PARP6: variants seen among roughly 807,000 people sequenced by gnomAD.
PARP6 encodes protein mono-ADP-ribosyltransferase PARP6.
A neutral mutation model predicts 92.0 loss-of-function variants in PARP6; 27 were observed. The observed-to-expected ratio is 0.29, with a 90% CI of 0.22 to 0.40. The LOEUF (loss-of-function observed/expected upper bound fraction) is 0.40. PARP6 is among the 10% of genes least tolerant of loss of function. PARP6 has a pLI of 1.00. For synonymous variants in PARP6, 272 were observed against 281.2 expected (o/e 0.97, Z 0.33); for missense variants, 501 against 784.5 (o/e 0.64, Z 4.32).
At chr15:72,256,611 A>G (rs749942819) in intron 13 of PARP6, 21 bp from the exon 14 acceptor site, 16 of 1,508,398 alleles carry the variant, frequency 1.1e-5, no homozygotes, top group Non-Finnish European at 1.1e-5. Flanking sequence ...AGGAAAAAAA[A>G]CAGGGCAGAA....
At position 72,256,525 on chromosome 15, in the gene PARP6, A is replaced by G. The variant is rs1239984487; in HGVS notation, c.1065T>C (p.Phe355=). ...ALESPRKSII[F]EPYPSVVDPT... is the part of the protein sequence containing the mutation. Reference sequence around the variant, plus strand: ...GGTCCACCACAGAGGGATAAGGCTCAAAGATGATGCTCTTTCTAGGGGACT... The same window carrying G: ...GGTCCACCACAGAGGGATAAGGCTCGAAGATGATGCTCTTTCTAGGGGACT... Residue 355 remains phenylalanine, a synonymous_variant, in exon 14 of 24, where the codon TTT becomes TTC. Transcript: ENST00000569795. 7 of 1,599,092 alleles carry G rather than the reference A, an allele frequency of 4.4e-6. No individual in the cohort carries two copies. Among genetic ancestry groups the G allele is most frequent in the African/African-American group, 2.7e-5 (2 of 73,740 alleles).
At chr15:72,246,772 T>TG (rs397792801) in intron 20 of PARP6, among the ~76,000 whole-genome samples, 1 of 151,674 alleles carries the variant, frequency 6.6e-6, no homozygotes, top group Admixed American at 6.6e-5. Context: ...TTTTTTTTTT[T>TG]GAGATGGAGT....
At chr15:72,256,763 TA>T (rs1050683983) in intron 13 of PARP6, among the ~76,000 whole-genome samples, 173 bp from the exon 14 acceptor site, 1 of 152,224 alleles carries the variant, frequency 6.6e-6, no homozygotes, top group African/African-American at 2.4e-5. Flanking sequence ...TAATTAAAGA[TA>T]AAAAACCATC....
At chr15:72,260,716 T>C (rs751201479) in intron 9 of PARP6, 28 bp from the exon 10 acceptor site, 5 of 1,548,886 alleles carry the variant, frequency 3.2e-6, no homozygotes, top group Non-Finnish European at 4.5e-6. Flanking sequence ...AGAGAAGTGA[T>C]AAAACTGGGG....
chr15:72,251,751 T>C (rs2084386383), intron 16 of PARP6, among the ~76,000 whole-genome samples: 1 of 152,148 alleles, frequency 6.6e-6, no homozygotes, highest in South Asian at 2.1e-4. Flanking sequence ...AGAAAGTTAC[T>C]GTCTAGGCTG....
At chr15:72,256,239 G>C (rs1356522934) in intron 14 of PARP6, among the ~76,000 whole-genome samples, 1 of 152,176 alleles carries the variant, frequency 6.6e-6, no homozygotes, top group Admixed American at 6.5e-5. Context: ...ATCCAGGTCT[G>C]TCTGGCTCCA....
chr15:72,257,342 C>T lies in PARP6; in HGVS notation c.999+6G>A. On this transcript the variant is annotated splice_donor_region_variant and intron_variant, in intron 13 of 23. Transcript: ENST00000569795. Reference sequence around the variant, plus strand: ...AATTCCCCAGCCACGTTTCCCTCCCCCATACCTCTGCTCCAGTGGCCACCT... The same window carrying T: ...AATTCCCCAGCCACGTTTCCCTCCCTCATACCTCTGCTCCAGTGGCCACCT... The T allele has an allele frequency of 3.1e-6, 5 of 1,607,070 alleles. No homozygotes were observed. The highest frequency in any genetic ancestry group is 1.7e-4 in the Middle Eastern group (1 of 6,050).
rs539087225 is a variant in PARP6, at chr15:72,266,906, G to C, written c.4-84C>G. ...GCGTGGGATGATATGGTGAGGAACA[G>C]ATTCCCACAAAGATTGGGAAATATA... On this transcript the variant is annotated intron_variant, in intron 3 of 23. Coordinates refer to ENST00000569795, the MANE Select transcript of PARP6 (RefSeq NM_001323532.2). 39 of 947,028 alleles carry C rather than the reference G, an allele frequency of 4.1e-5. 2 individuals carry two copies. In the South Asian group the frequency reaches 4.2e-4, roughly 10 times the overall value. 58.7% of individuals were successfully genotyped at this position (947,028 alleles called of 1,614,324 possible). A position where few individuals can be genotyped will look rare whatever the true frequency, so the allele number is the denominator to read the frequency against.
In PARP6 at chr15:72,242,009, CAT is replaced by C. The variant is rs1844837345; in HGVS notation, c.1706-26_1706-25del. 6.4e-7 allele frequency: 1 copy of C among 1,569,150 alleles called. No homozygotes were observed. Among genetic ancestry groups the C allele is most frequent in the African/African-American group, 1.4e-5 (1 of 73,972 alleles). Reference sequence around the variant, plus strand: ...CACTGGGAGAAAGAGGGCCAGAAATCATAGATACAATGCTTAAGGCACAGAGT... The same window carrying C: ...CACTGGGAGAAAGAGGGCCAGAAATCAGATACAATGCTTAAGGCACAGAGT... On this transcript the variant is annotated intron_variant, in intron 22 of 23. Transcript: ENST00000569795. This position sits in a 1 kb window ranked among gnomAD's most constrained non-coding sequence, Gnocchi z 4.3.
chr15:72,267,958 G>A lies in PARP6; in HGVS notation c.-194-287C>T, dbSNP rs547785660. ...GTAGAGATGGGGTTTCACCACATTG[G>A]CCAGGCTGGTCTCGAACTCCCGACT... On this transcript the variant is annotated intron_variant, in intron 2 of 23. Coordinates refer to ENST00000569795, the MANE Select transcript of PARP6 (RefSeq NM_001323532.2). Among the ~76,000 whole-genome samples, 34 of 152,300 alleles carry A rather than the reference G, an allele frequency of 2.2e-4. No homozygotes were observed. The South Asian group carries it at 7.1e-3, about 32-fold the overall frequency.
chr15:72,256,652 A>G lies in PARP6; in HGVS notation c.1000-62T>C, dbSNP rs2085176586. 3 of 1,322,030 alleles carry G rather than the reference A, an allele frequency of 2.3e-6. No individual in the cohort carries two copies. In the South Asian group the frequency reaches 6.1e-5, roughly 27 times the overall value. 81.9% of individuals were successfully genotyped at this position (1,322,030 alleles called of 1,614,324 possible). A position where few individuals can be genotyped will look rare whatever the true frequency, so the allele number is the denominator to read the frequency against. ...ATGATTTCCCAGTACTGGGAGTCAG[A>G]GTACCCAGTATTTCTCTCTGATGTT... On this transcript the variant is annotated intron_variant, in intron 13 of 23. Transcript: ENST00000569795.
chr15:72,260,254 C>T (rs2085684507), intron 10 of PARP6, among the ~76,000 whole-genome samples: 2 of 152,288 alleles, frequency 1.3e-5, no homozygotes, highest in East Asian at 1.9e-4. Flanking sequence ...GAGGCAGCAA[C>T]TGCAATGAGC....
chr15:72,267,442 A>C (rs200518514), intron 3 of PARP6, 33 bp downstream of exon 3: 1,176 of 1,611,568 alleles, frequency 7.3e-4, no homozygotes, highest in Non-Finnish European at 9.5e-4. Flanking sequence ...CCCTTTGAAC[A>C]ATCAGTTGGA....
intron 18 of PARP6, 42 bp downstream of exon 18, chr15:72,250,803 G>A (rs749516289): frequency 1.6e-5 from 8 of 502,488 alleles, no homozygotes; most frequent in East Asian, 4.6e-5. Flanking sequence ...GCTCATCCCC[G>A]CCCCCTCACC....
chr15:72,255,136 T>C (rs1485048487), intron 14 of PARP6, among the ~76,000 whole-genome samples: 1 of 152,172 alleles, frequency 6.6e-6, no homozygotes, highest in Non-Finnish European at 1.5e-5. Context: ...CCTGATTGCT[T>C]GAATTGGATT....
rs548978018 is a variant in PARP6, at chr15:72,242,262, G to A, written c.1642-42C>T. On this transcript the variant is annotated intron_variant, in intron 21 of 23. Transcript: ENST00000569795. The surrounding 1 kb of genome is among the most constrained non-coding windows in gnomAD (Gnocchi z 4.3). The stretch of plus-strand genomic sequence containing the variant: ...CAAAGGAGACCAGAGCCAGGTAGAT[G>A]GGTACAGCTTTCCCTAGAGAGGCTG... 2 of 1,500,924 alleles carry A rather than the reference G, an allele frequency of 1.3e-6. No individual in the cohort carries two copies. The highest frequency in any genetic ancestry group is 3.3e-5 in the Admixed American group (2 of 59,790). 93.0% of individuals were successfully genotyped at this position (1,500,924 alleles called of 1,614,324 possible).
At chr15:72,259,394 C>G (rs928989019) in intron 11 of PARP6, among the ~76,000 whole-genome samples, 5 of 152,200 alleles carry the variant, frequency 3.3e-5, no homozygotes, top group Non-Finnish European at 7.3e-5. Flanking sequence ...TTGGCGGTGC[C>G]TCATTGGCAC....
intron 18 of PARP6, 45 bp downstream of exon 18, chr15:72,250,800 C>T (rs750380160): frequency 3.2e-6 from 3 of 932,208 alleles, no homozygotes; most frequent in African/African-American, 1.6e-5. Flanking sequence ...CTTGCTCATC[C>T]CCGCCCCCTC....
intron 20 of PARP6, among the ~76,000 whole-genome samples, chr15:72,248,663 CTG>C (rs1372674095): frequency 6.6e-6 from 1 of 152,174 alleles, no homozygotes; most frequent in East Asian, 1.9e-4. Flanking sequence ...GCCAGGAAGA[CTG>C]AGAGAACTCT....
Sources: gnomAD v4.1 joint callset for allele counts (sites outside exome capture counted in the v4.1 genomes callset) on GRCh38, gnomAD v4.1.1 for gene constraint, Gnocchi (gnomAD v3.1) non-coding constraint, MANE v1.5 for transcripts, NCBI Gene and HGNC (gene_info 2026-07-23, HGNC 2026-07-21) for gene names.